SGCZ: variants seen among roughly 807,000 people sequenced by gnomAD.
SGCZ encodes the protein sarcoglycan zeta, also known as zeta-sarcoglycan.
A neutral mutation model predicts 41.3 loss-of-function variants in SGCZ; 40 were observed. That is an observed-to-expected ratio of 0.97 (90% CI 0.75 to 1.26). SGCZ has a LOEUF of 1.26. Ranked by LOEUF, SGCZ falls within the 50% of genes most tolerant of loss-of-function variation. SGCZ has a pLI of 0.00. For missense variants in SGCZ, 552 were observed against 369.8 expected, an observed-to-expected ratio of 1.49 and a Z score of -4.04; for synonymous variants, 206 against 137.5, an observed-to-expected ratio of 1.50 and a Z score of -3.49.
Position 14,373,415 on chromosome 8 carries a change from G to C in SGCZ, c.235-49211C>G, listed in dbSNP as rs1373282306. 2.6e-5 allele frequency among the ~76,000 whole-genome samples: 4 copies of C among 152,064 alleles called. No individual in the cohort carries two copies. The East Asian group carries it at 7.7e-4, about 29-fold the overall frequency. On this transcript the variant is annotated intron_variant, in intron 2 of 7. Coordinates refer to ENST00000382080, the MANE Select transcript of SGCZ (RefSeq NM_139167.4). Reference sequence around the variant, plus strand: ...ATATGGGCTAGTGATAATCATTTGTGACTACTCACCATAAATGGCATTTTA... The same window carrying C: ...ATATGGGCTAGTGATAATCATTTGTCACTACTCACCATAAATGGCATTTTA...
chr8:15,190,995 C>T (rs929158681), intron 1 of SGCZ, among the ~76,000 whole-genome samples: 2 of 151,884 alleles, frequency 1.3e-5, no homozygotes, highest in Non-Finnish European at 2.9e-5. Context: ...AATGTGATTC[C>T]AATCATTTTA....
Position 14,150,627 on chromosome 8 carries a change from C to CA in SGCZ, c.547+13952dup, listed in dbSNP as rs528004050. Among the ~76,000 whole-genome samples the CA allele has an allele frequency of 7.9e-5, 12 of 151,762 alleles. No individual in the cohort carries two copies. The East Asian group carries it at 1.4e-3, about 17-fold the overall frequency. On this transcript the variant is annotated intron_variant, in intron 5 of 7. Coordinates refer to ENST00000382080, the MANE Select transcript of SGCZ (RefSeq NM_139167.4). Reference sequence around the variant, plus strand: ...AACAGTTTGGAGCCTCCTCAGAAAACAAAAAAAATTGAGCTACCATATGAT... The same window carrying CA: ...AACAGTTTGGAGCCTCCTCAGAAAACAAAAAAAAATTGAGCTACCATATGAT...
intron 1 of SGCZ, among the ~76,000 whole-genome samples, chr8:14,645,137 A>C (rs1195236444): frequency 4.0e-5 from 6 of 151,640 alleles, no homozygotes; most frequent in Non-Finnish European, 8.8e-5. Context: ...TAGTTCCTAA[A>C]AATGTACCTG....
At chr8:15,113,917 CT>C (rs937321549) in intron 1 of SGCZ, among the ~76,000 whole-genome samples, 3 of 152,226 alleles carry the variant, frequency 2.0e-5, no homozygotes, top group African/African-American at 7.2e-5. Flanking sequence ...ACTGCTCCAT[CT>C]GCCAAATGGG....
At chr8:14,410,948 A>G (rs1799343746) in intron 2 of SGCZ, among the ~76,000 whole-genome samples, 2 of 152,146 alleles carry the variant, frequency 1.3e-5, no homozygotes, top group Admixed American at 1.3e-4. Context: ...ATTTTCTTCA[A>G]CGTTTTTTCT....
intron 1 of SGCZ, among the ~76,000 whole-genome samples, chr8:15,102,751 G>A (rs1476343359): frequency 6.6e-6 from 1 of 152,082 alleles, no homozygotes; most frequent in African/African-American, 2.4e-5. Context: ...TTTGTGTATG[G>A]AGATTATTAA....
intron 7 of SGCZ, among the ~76,000 whole-genome samples, chr8:14,098,874 C>G (rs541433208): frequency 6.6e-6 from 1 of 152,016 alleles, no homozygotes; most frequent in Non-Finnish European, 1.5e-5. Flanking sequence ...AGTACTCAAG[C>G]CTTATGATGA....
At chr8:14,562,884 A>G (rs145947120) in intron 1 of SGCZ, among the ~76,000 whole-genome samples, 186 of 152,330 alleles carry the variant, frequency 1.2e-3, no homozygotes, top group African/African-American at 4.4e-3. Context: ...GAGAGAAGTC[A>G]CGTGATCTTA....
intron 2 of SGCZ, among the ~76,000 whole-genome samples, chr8:14,404,628 G>A (rs180867950): frequency 2.2e-4 from 33 of 152,206 alleles, no homozygotes; most frequent in Admixed American, 2.2e-3. Context: ...ATTAATAAGG[G>A]CATTTGACTT....
At chr8:15,057,584 C>T (rs1035293502) in intron 1 of SGCZ, among the ~76,000 whole-genome samples, 1 of 151,738 alleles carries the variant, frequency 6.6e-6, no homozygotes, top group African/African-American at 2.4e-5. Context: ...TTACAATAGA[C>T]CAAAAATAGT....
chr8:14,513,555 G>C (rs886500408), intron 2 of SGCZ, among the ~76,000 whole-genome samples: 5 of 96,456 alleles, frequency 5.2e-5, no homozygotes, highest in African/African-American at 1.8e-4. Context: ...CTAGATCTGA[G>C]TGTTCATCTA....
chr8:14,292,246 T>C (rs1769581174), intron 3 of SGCZ, among the ~76,000 whole-genome samples: 2 of 152,156 alleles, frequency 1.3e-5, no homozygotes, highest in South Asian at 2.1e-4. Flanking sequence ...CAAACAATTG[T>C]AGTACATATA....
At chr8:14,210,406 T>G (rs1396284704) in intron 4 of SGCZ, among the ~76,000 whole-genome samples, 1 of 151,966 alleles carries the variant, frequency 6.6e-6, no homozygotes, top group Non-Finnish European at 1.5e-5. Flanking sequence ...CCCAAACCCT[T>G]GGAATTACCC....
intron 2 of SGCZ, among the ~76,000 whole-genome samples, chr8:14,326,128 A>AAAAAAAAAAAAAAAAAAAAAT (rs1802102985): frequency 6.7e-6 from 1 of 148,882 alleles, no homozygotes; most frequent in Non-Finnish European, 1.5e-5. Flanking sequence ...AAAAAAAAAA[A>AAAAAAAAAAAAAAAAAAAAAT]AAGATGAGGA....
chr8:14,275,282 C>T (rs1404340609), intron 3 of SGCZ, among the ~76,000 whole-genome samples: 3 of 152,190 alleles, frequency 2.0e-5, no homozygotes, highest in Non-Finnish European at 4.4e-5. Context: ...CCTACTCTCT[C>T]AGTAGGATGA....
chr8:14,453,456 G>C (rs913941226), intron 2 of SGCZ, among the ~76,000 whole-genome samples: 1 of 152,036 alleles, frequency 6.6e-6, no homozygotes, highest in African/African-American at 2.4e-5. Flanking sequence ...TGGGTACTAA[G>C]TGTCTCATAA....
At chr8:15,102,385 G>A (rs1226712672) in intron 1 of SGCZ, among the ~76,000 whole-genome samples, 20 of 152,078 alleles carry the variant, frequency 1.3e-4, no homozygotes, top group Non-Finnish European at 1.5e-5. Flanking sequence ...GATATAAATA[G>A]ATAGAAAATA....
chr8:14,714,783 A>C (rs2130152503), intron 1 of SGCZ, among the ~76,000 whole-genome samples: 1 of 152,298 alleles, frequency 6.6e-6, no homozygotes. Context: ...TTTAAGAACA[A>C]TGGAATTTTT....
intron 5 of SGCZ, among the ~76,000 whole-genome samples, chr8:14,114,121 C>A (rs1271523896): frequency 1.3e-5 from 2 of 151,978 alleles, no homozygotes; most frequent in South Asian, 2.1e-4. Flanking sequence ...GAAGTCAAAG[C>A]CTGTCTCGAT....
Sources: allele counts gnomAD v4.1 joint callset (sites outside exome capture counted in the v4.1 genomes callset), GRCh38; gene constraint gnomAD v4.1.1; transcripts MANE v1.5; gene names NCBI Gene and HGNC (gene_info 2026-07-23, HGNC 2026-07-21).